The following RPAP2 variants were observed in gnomAD, a reference collection of about 807,000 sequenced individuals.
The protein encoded by RPAP2 is putative RNA polymerase II subunit B1 CTD phosphatase RPAP2.
RPAP2 carries 52 observed loss-of-function variants against 73.1 expected under a neutral mutation model. The ratio of observed to expected loss-of-function variants is 0.71; its 90% CI spans 0.57 to 0.90. RPAP2 has a LOEUF of 0.90. Among genes scored for constraint, RPAP2 ranks in the 40% least tolerant of loss-of-function variants. The pLI is 0.00. For synonymous variants in RPAP2, 225 were observed against 242.1 expected (o/e 0.93, Z 0.65); for missense variants, 598 against 701.8 (o/e 0.85, Z 1.67).
intron 6 of RPAP2, among the ~76,000 whole-genome samples, chr1:92,316,466 T>TAAATATGTACATATATCC (rs1651911486): frequency 6.6e-6 from 1 of 152,220 alleles, no homozygotes; most frequent in South Asian, 2.1e-4. Flanking sequence ...CACATATATA[T>TAAATATGTACATATATCC]AAATATGTAC....
chr1:92,301,453 T>A, intron 2 of RPAP2, 23 bp from the exon 3 acceptor site: 1 of 1,281,214 alleles, frequency 7.8e-7, no homozygotes, highest in South Asian at 1.3e-5. Context: ...TTAAGTAGAT[T>A]AAGTTTCTCT....
At chr1:92,349,176 T>C (rs1654072096) in intron 11 of RPAP2, among the ~76,000 whole-genome samples, 1 of 152,212 alleles carries the variant, frequency 6.6e-6, no homozygotes, top group Non-Finnish European at 1.5e-5. Context: ...CTTGTAGACA[T>C]TTCTGGAATT....
chr1:92,380,376 T>C (rs2101446608), intron 11 of RPAP2, among the ~76,000 whole-genome samples: 1 of 152,356 alleles, frequency 6.6e-6, no homozygotes, highest in Admixed American at 6.5e-5. Context: ...AATATAAGTA[T>C]GTTTTTAAAG....
chr1:92,388,415 T>C lies in RPAP2; in HGVS notation c.*1404T>C, dbSNP rs1241019349. 6.6e-6 allele frequency: 1 copy of C among 152,268 alleles called. No homozygotes were observed. The highest frequency in any genetic ancestry group is 1.5e-5 in the Non-Finnish European group (1 of 68,124). The allele number at this position is 152,268 out of a possible 1,614,324, so 9.4% of individuals were successfully genotyped here. A position where few individuals can be genotyped will look rare whatever the true frequency, so the allele number is the denominator to read the frequency against. ...TAAAAATAAATTGAAGATGGCCGAA[T>C]AGGAACAGCTCCAGTCTACAGCTCC... is the stretch of plus-strand genomic sequence containing the variant. On this transcript the variant is annotated 3_prime_UTR_variant, in exon 13 of 13. Transcript: ENST00000610020.
At chr1:92,366,243 C>T (rs1440811112) in intron 11 of RPAP2, among the ~76,000 whole-genome samples, 3 of 152,148 alleles carry the variant, frequency 2.0e-5, no homozygotes, top group Non-Finnish European at 4.4e-5. Context: ...TTTGAGGCTG[C>T]AGTGAGCTGT....
chr1:92,350,193 A>G (rs544585814), intron 11 of RPAP2, among the ~76,000 whole-genome samples: 25 of 152,354 alleles, frequency 1.6e-4, no homozygotes, highest in South Asian at 8.3e-4. Context: ...TGGTTACCCA[A>G]GAGCACATGG....
At chr1:92,319,921 C>A (rs1470904226) in intron 6 of RPAP2, among the ~76,000 whole-genome samples, 1 of 151,744 alleles carries the variant, frequency 6.6e-6, no homozygotes, top group Admixed American at 6.6e-5. Flanking sequence ...TCACTTGAAC[C>A]CGGGAGGCAG....
intron 11 of RPAP2, among the ~76,000 whole-genome samples, chr1:92,373,010 G>A (rs961690741): frequency 3.3e-5 from 5 of 152,196 alleles, no homozygotes; most frequent in African/African-American, 1.2e-4. Flanking sequence ...TCTTCAACAA[G>A]TAATTATTGA....
chr1:92,350,626 T>A (rs181664729), intron 11 of RPAP2, among the ~76,000 whole-genome samples: 1 of 152,232 alleles, frequency 6.6e-6, no homozygotes, highest in Admixed American at 6.5e-5. Flanking sequence ...TTAATAAAAA[T>A]GTATATAAGT....
intron 11 of RPAP2, among the ~76,000 whole-genome samples, chr1:92,349,985 T>C (rs1654116391): frequency 6.6e-6 from 1 of 152,108 alleles, no homozygotes; most frequent in Non-Finnish European, 1.5e-5. Context: ...CTGATGGAAA[T>C]TGTATTTGTG....
intron 9 of RPAP2, among the ~76,000 whole-genome samples, chr1:92,335,337 T>C (rs1653219018): frequency 6.6e-6 from 1 of 152,204 alleles, no homozygotes; most frequent in African/African-American, 2.4e-5. Context: ...ATTCTTTCTA[T>C]TTTGGAACAT....
chr1:92,379,743 T>A (rs914699050), intron 11 of RPAP2, among the ~76,000 whole-genome samples: 7 of 150,922 alleles, frequency 4.6e-5, no homozygotes, highest in African/African-American at 1.7e-4. Context: ...GAGACCAGCC[T>A]GGCCAACATG....
chr1:92,339,296 C>T (rs2101263528), intron 10 of RPAP2, among the ~76,000 whole-genome samples: 1 of 151,942 alleles, frequency 6.6e-6, no homozygotes, highest in South Asian at 2.1e-4. Context: ...TTAAAAATTG[C>T]CACCTGGGTC....
intron 5 of RPAP2, among the ~76,000 whole-genome samples, chr1:92,305,959 C>T (rs6604090): frequency 0.48 from 72,501 of 151,868 alleles, 18,296 homozygotes; most frequent in East Asian, 0.96. Context: ...AAAATTCTTA[C>T]ACATGTACAC....
rs1656189698 is a variant in RPAP2 at position 92,396,644 on chromosome 1, G to GTT, written c.*9634_*9635insTT. 1 of 151,618 alleles carries GTT rather than the reference G, an allele frequency of 6.6e-6. No homozygotes were observed. The highest frequency in any genetic ancestry group is 2.5e-5 in the African/African-American group (1 of 40,634). The allele number at this position is 151,618 out of a possible 1,614,324, so 9.4% of individuals were successfully genotyped here. On this transcript the variant is annotated 3_prime_UTR_variant, in exon 13 of 13. Transcript: ENST00000610020. ...TTTTGCACAACTTTTATGTGTGTGT[G>GTT]TGTGTGTGTGTGTGAGATGGAGTTT...
In RPAP2 at chr1:92,300,176, A is replaced by G. The variant is rs1362085513; in HGVS notation, c.74-18A>G. ...CGGAAATGTCATTATGTAGCACATG[A>G]CTGTATTTTTATTGTAGGTACTAAA... On this transcript the variant is annotated intron_variant, in intron 1 of 12. Transcript: ENST00000610020. The G allele has an allele frequency of 3.8e-6, 6 of 1,582,440 alleles. No individual in the cohort carries two copies. The African/African-American group carries it at 5.4e-5, about 14-fold the overall frequency.
chr1:92,307,583 G>A lies in RPAP2; in HGVS notation c.488+307G>A, dbSNP rs1011403171. On this transcript the variant is annotated intron_variant, in intron 6 of 12. Coordinates refer to ENST00000610020, the MANE Select transcript of RPAP2 (RefSeq NM_024813.3). ...TGTTAATATAATAATCCTGGAGGAAGAATGTTAAATTTTTTCAGAAGTTAC... is the reference window on the plus strand; with the variant it reads ...TGTTAATATAATAATCCTGGAGGAAAAATGTTAAATTTTTTCAGAAGTTAC... Among the ~76,000 whole-genome samples the A allele has an allele frequency of 2.0e-5, 3 of 152,324 alleles. No homozygotes were observed. The East Asian group carries it at 5.8e-4, about 29-fold the overall frequency.
At chr1:92,306,263 A>G (rs1651228428) in intron 5 of RPAP2, among the ~76,000 whole-genome samples, 2 of 152,224 alleles carry the variant, frequency 1.3e-5, no homozygotes, top group African/African-American at 4.8e-5. Context: ...GTAAGATAAA[A>G]AGAGTTCTAA....
intron 10 of RPAP2, 81 bp from the exon 11 acceptor site, chr1:92,345,765 A>G: frequency 6.8e-6 from 6 of 879,716 alleles, no homozygotes; most frequent in Admixed American, 6.7e-5. Context: ...GCACATTATT[A>G]TAAATCTGAT....
Sources: gnomAD v4.1 joint callset for allele counts (sites outside exome capture counted in the v4.1 genomes callset) on GRCh38, gnomAD v4.1.1 for gene constraint, MANE v1.5 for transcripts, NCBI Gene and HGNC (gene_info 2026-07-23, HGNC 2026-07-21) for gene names.